Variants in VWC2 observed in about 807,000 individuals in gnomAD.
VWC2 encodes von Willebrand factor C domain containing 2, also known as brorin.
VWC2 carries 14 observed loss-of-function variants against 29.8 expected under a neutral mutation model. The observed-to-expected ratio is 0.47, with a 90% CI of 0.31 to 0.74. The LOEUF is 0.74. Among genes scored for constraint, VWC2 ranks in the 30% least tolerant of loss-of-function variants. The pLI is 0.05. For missense variants in VWC2, 457 were observed against 459.8 expected (o/e 0.99, Z 0.05); for synonymous variants, 213 against 199.0 (o/e 1.07, Z -0.59).
intron 2 of VWC2, among the ~76,000 whole-genome samples, chr7:49,794,959 C>G (rs367939727): frequency 5.9e-4 from 90 of 152,316 alleles, no homozygotes; most frequent in African/African-American, 2.0e-3. Flanking sequence ...GCTCAGTTAG[C>G]GCTCAACATT....
chr7:49,912,282 T>A lies in VWC2; in HGVS notation c.*97T>A. 7.7e-7 allele frequency: 1 copy of A among 1,293,638 alleles called. No individual in the cohort carries two copies. The highest frequency in any genetic ancestry group is 1.0e-6 in the Non-Finnish European group (1 of 958,676). 80.1% of individuals were successfully genotyped at this position (1,293,638 alleles called of 1,614,324 possible). ...GGAACTATCAGTCAAAGAAGACTTT[T>A]GATGAGGAATAATGGAAAATTGTTG... On this transcript the variant is annotated 3_prime_UTR_variant, in exon 4 of 4. Coordinates refer to ENST00000340652, the MANE Select transcript of VWC2 (RefSeq NM_198570.5).
chr7:49,868,780 G>T (rs999031115), intron 3 of VWC2, among the ~76,000 whole-genome samples: 1 of 152,132 alleles, frequency 6.6e-6, no homozygotes, highest in African/African-American at 2.4e-5. Flanking sequence ...ACCATGCCTG[G>T]CTAATTTTTT....
At chr7:49,780,353 G>T (rs1404559581) in intron 2 of VWC2, among the ~76,000 whole-genome samples, 1 of 152,174 alleles carries the variant, frequency 6.6e-6, no homozygotes, top group Admixed American at 6.5e-5. Context: ...GCTGTATTGA[G>T]CAGTTGTAAA....
chr7:49,838,106 A>G (rs1401739934), intron 3 of VWC2, among the ~76,000 whole-genome samples: 1 of 152,186 alleles, frequency 6.6e-6, no homozygotes, highest in African/African-American at 2.4e-5. Flanking sequence ...CACTCTAGCT[A>G]GGGGGACAGA....
chr7:49,840,072 C>T (rs1789760241), intron 3 of VWC2, among the ~76,000 whole-genome samples: 1 of 152,198 alleles, frequency 6.6e-6, no homozygotes, highest in Non-Finnish European at 1.5e-5. Context: ...ACCAGGCTTC[C>T]GGAGCAGGAG....
At chr7:49,878,121 T>G (rs1791519859) in intron 3 of VWC2, among the ~76,000 whole-genome samples, 1 of 152,142 alleles carries the variant, frequency 6.6e-6, no homozygotes, top group Non-Finnish European at 1.5e-5. Flanking sequence ...TTAATGTTAA[T>G]TGGTGCTTCT....
At chr7:49,844,958 C>A (rs1177756856) in intron 3 of VWC2, among the ~76,000 whole-genome samples, 5 of 152,222 alleles carry the variant, frequency 3.3e-5, no homozygotes. Flanking sequence ...GCTGGAATTA[C>A]AGGCAGCAGC....
intron 3 of VWC2, among the ~76,000 whole-genome samples, chr7:49,816,286 AT>A (rs1342294970): frequency 6.6e-6 from 1 of 152,206 alleles, no homozygotes; most frequent in East Asian, 1.9e-4. Context: ...GTGCAAATAC[AT>A]TTGACCTCCT....
chr7:49,835,155 A>C (rs1789628441), intron 3 of VWC2, among the ~76,000 whole-genome samples: 1 of 152,216 alleles, frequency 6.6e-6, no homozygotes, highest in Non-Finnish European at 1.5e-5. Context: ...TTGGCTATTC[A>C]TTGTTGAACT....
chr7:49,859,435 A>G (rs974725401), intron 3 of VWC2, among the ~76,000 whole-genome samples: 1 of 152,190 alleles, frequency 6.6e-6, no homozygotes, highest in Non-Finnish European at 1.5e-5. Flanking sequence ...TTTAAACTTT[A>G]ATGGAGATGA....
chr7:49,883,964 T>C (rs1454031912), intron 3 of VWC2, among the ~76,000 whole-genome samples: 1 of 152,214 alleles, frequency 6.6e-6, no homozygotes, highest in African/African-American at 2.4e-5. Flanking sequence ...TTAGGTGTGA[T>C]GGTGGAGAAA....
intron 3 of VWC2, among the ~76,000 whole-genome samples, chr7:49,883,680 C>T (rs1791777239): frequency 6.6e-6 from 1 of 152,100 alleles, no homozygotes; most frequent in African/African-American, 2.4e-5. Context: ...GAAATTTCAC[C>T]TTCCGATAGC....
At chr7:49,798,982 G>T (rs924947876) in intron 2 of VWC2, among the ~76,000 whole-genome samples, 5 of 152,202 alleles carry the variant, frequency 3.3e-5, no homozygotes, top group Non-Finnish European at 7.3e-5. Flanking sequence ...TATCAAATGT[G>T]AGCCAGCGAG....
intron 3 of VWC2, among the ~76,000 whole-genome samples, chr7:49,803,635 T>C (rs1788800445): frequency 6.6e-6 from 1 of 152,148 alleles, no homozygotes; most frequent in South Asian, 2.1e-4. Context: ...TGGGGACCCC[T>C]GGTTGAGAGC....
chr7:49,871,069 AAT>A (rs1791129504), intron 3 of VWC2, among the ~76,000 whole-genome samples: 4 of 152,234 alleles, frequency 2.6e-5, no homozygotes, highest in Admixed American at 2.6e-4. Context: ...CAACCCTAAG[AAT>A]GGAGAGCTAA....
At chr7:49,827,720 CTGTT>C (rs1283993924) in intron 3 of VWC2, among the ~76,000 whole-genome samples, 1 of 152,054 alleles carries the variant, frequency 6.6e-6, no homozygotes, top group Non-Finnish European at 1.5e-5. Context: ...TAATAATGGC[CTGTT>C]TATTTCATGT....
intron 3 of VWC2, among the ~76,000 whole-genome samples, chr7:49,814,468 T>G (rs2128707995): frequency 6.6e-6 from 1 of 152,360 alleles, no homozygotes; most frequent in Middle Eastern, 3.4e-3. Context: ...GCACCTCTTC[T>G]TTGTAAATTT....
At chr7:49,904,199 G>T (rs1014016783) in intron 3 of VWC2, among the ~76,000 whole-genome samples, 1 of 152,146 alleles carries the variant, frequency 6.6e-6, no homozygotes, top group African/African-American at 2.4e-5. Flanking sequence ...TTTACAGGCT[G>T]CTCTTTGTTA....
At chr7:49,907,855 A>C (rs896895909) in intron 3 of VWC2, among the ~76,000 whole-genome samples, 1 of 152,168 alleles carries the variant, frequency 6.6e-6, no homozygotes, top group African/African-American at 2.4e-5. Flanking sequence ...GGTTAAGATA[A>C]GGGGTTGTGG....
Sources: gnomAD v4.1 joint callset for allele counts (sites outside exome capture counted in the v4.1 genomes callset) on GRCh38, gnomAD v4.1.1 for gene constraint, MANE v1.5 for transcripts, NCBI Gene and HGNC (gene_info 2026-07-23, HGNC 2026-07-21) for gene names.